The following PTPRG variants were observed in gnomAD, a reference collection of about 807,000 sequenced individuals.
The protein encoded by PTPRG is protein tyrosine phosphatase receptor type G.
In PTPRG, 102 loss-of-function variants were observed where a neutral mutation model predicts 165.3. The observed-to-expected ratio is 0.62, with a 90% CI of 0.53 to 0.73. The LOEUF (loss-of-function observed/expected upper bound fraction) is 0.73, where lower values mean the gene tolerates loss of function less well. Among genes scored for constraint, PTPRG ranks in the 30% least tolerant of loss-of-function variants. The pLI is 0.00. For synonymous variants in PTPRG, 675 were observed against 669.5 expected, an observed-to-expected ratio of 1.01 and a Z score of -0.13; for missense variants, 1,866 against 1,861.4, an observed-to-expected ratio of 1.00 and a Z score of -0.05.
intron 2 of PTPRG, among the ~76,000 whole-genome samples, chr3:61,876,926 G>C (rs944756201): frequency 6.6e-6 from 1 of 151,920 alleles, no homozygotes; most frequent in Non-Finnish European, 1.5e-5. Context: ...TAAGTAGTCT[G>C]TAACAGAGTG....
intron 8 of PTPRG, among the ~76,000 whole-genome samples, chr3:62,181,646 A>G (rs576165526): frequency 1.6e-4 from 24 of 152,346 alleles, no homozygotes; most frequent in African/African-American, 5.8e-4. Flanking sequence ...TTTTGGTGCC[A>G]TGGACTCCTT....
At chr3:61,784,539 G>A (rs2034638983) in intron 2 of PTPRG, among the ~76,000 whole-genome samples, 1 of 152,190 alleles carries the variant, frequency 6.6e-6, no homozygotes. Flanking sequence ...GTTAGCAGCT[G>A]ACATCTGTGT....
At chr3:61,682,973 T>A (rs2107124870) in intron 1 of PTPRG, among the ~76,000 whole-genome samples, 1 of 152,214 alleles carries the variant, frequency 6.6e-6, no homozygotes. Flanking sequence ...GTGGAAAGCT[T>A]TTCTTTCTCT....
At chr3:61,866,090 G>C (rs1575734563) in intron 2 of PTPRG, among the ~76,000 whole-genome samples, 1 of 152,088 alleles carries the variant, frequency 6.6e-6, no homozygotes, top group Non-Finnish European at 1.5e-5. Context: ...ATTGAACCAG[G>C]GAACTCCTCT....
chr3:62,064,819 A>T (rs1700954868), intron 4 of PTPRG, among the ~76,000 whole-genome samples: 1 of 137,822 alleles, frequency 7.3e-6, no homozygotes, highest in South Asian at 2.2e-4. Flanking sequence ...CGCAACATCC[A>T]GCTCCCTGGT....
intron 2 of PTPRG, chr3:61,926,008 G>C (rs1053359215): frequency 1.5e-4 from 70 of 456,732 alleles, no homozygotes; most frequent in Non-Finnish European, 2.6e-4. Context: ...TAGAATGGCA[G>C]AACCTCAGAC....
intron 2 of PTPRG, among the ~76,000 whole-genome samples, chr3:61,918,475 G>T (rs529599125): frequency 1.3e-5 from 2 of 152,246 alleles, no homozygotes; most frequent in South Asian, 4.2e-4. Flanking sequence ...ACTGTTGGGT[G>T]TTTGAGATAC....
chr3:62,134,858 T>A (rs1053740928), intron 6 of PTPRG, among the ~76,000 whole-genome samples: 1 of 152,026 alleles, frequency 6.6e-6, no homozygotes, highest in African/African-American at 2.4e-5. Context: ...TGAAATGGGA[T>A]GAAGGGAAGG....
At chr3:61,737,953 G>C (rs1337117231) in intron 1 of PTPRG, among the ~76,000 whole-genome samples, 1 of 148,594 alleles carries the variant, frequency 6.7e-6, no homozygotes, top group Non-Finnish European at 1.5e-5. Context: ...CTGTCGCCCA[G>C]GCTGGAGTGC....
At chr3:61,884,015 A>G (rs1278555925) in intron 2 of PTPRG, among the ~76,000 whole-genome samples, 1 of 152,166 alleles carries the variant, frequency 6.6e-6, no homozygotes, top group Non-Finnish European at 1.5e-5. Context: ...TCTTAGTTGT[A>G]TGCTTGTTTT....
chr3:61,685,180 C>T (rs1200639691), intron 1 of PTPRG, among the ~76,000 whole-genome samples: 1 of 152,156 alleles, frequency 6.6e-6, no homozygotes, highest in East Asian at 1.9e-4. Context: ...CTTGCACTTA[C>T]TATGTTGAGA....
intron 2 of PTPRG, among the ~76,000 whole-genome samples, chr3:61,922,937 C>G (rs951274660): frequency 1.3e-5 from 2 of 152,188 alleles, no homozygotes; most frequent in Admixed American, 6.5e-5. Flanking sequence ...CACCATACCC[C>G]ACCCAAATTA....
rs182855415 is a variant in PTPRG at position 61,832,056 on chromosome 3, C to T, written c.190+83074C>T. 4.0e-3 allele frequency among the ~76,000 whole-genome samples: 606 copies of T among 151,978 alleles called. 5 individuals are homozygous for T. The highest frequency in any genetic ancestry group is 0.014 in the African/African-American group (578 of 41,464). On this transcript the variant is annotated intron_variant, in intron 2 of 29. Coordinates refer to ENST00000474889, the MANE Select transcript of PTPRG (RefSeq NM_002841.4). ...TTATACATTTGTATCTTATAAATAT[C>T]CCAGAAAGAGTCAATCAAAAAATTA...
intron 1 of PTPRG, among the ~76,000 whole-genome samples, chr3:61,726,170 C>T (rs548051481): frequency 6.6e-6 from 1 of 152,270 alleles, no homozygotes; most frequent in East Asian, 1.9e-4. Context: ...CTGCACAGAG[C>T]GGCAGTTCTT....
At chr3:61,592,072 C>T (rs374244911) in intron 1 of PTPRG, among the ~76,000 whole-genome samples, 2 of 151,608 alleles carry the variant, frequency 1.3e-5, no homozygotes, top group Admixed American at 6.6e-5. Context: ...CTCCTGGGTT[C>T]GAGCAATTCT....
intron 24 of PTPRG, chr3:62,276,663 G>C (rs1213912822): frequency 1.3e-5 from 4 of 300,518 alleles, no homozygotes; most frequent in Non-Finnish European, 2.4e-5. Flanking sequence ...TAACAAACTA[G>C]AGTCAAAAGT....
At chr3:62,239,200 T>C (rs1018269572) in intron 14 of PTPRG, among the ~76,000 whole-genome samples, 2 of 152,138 alleles carry the variant, frequency 1.3e-5, no homozygotes, top group African/African-American at 4.8e-5. Flanking sequence ...AAAATGGCTC[T>C]TTGTGATCCT....
intron 1 of PTPRG, among the ~76,000 whole-genome samples, chr3:61,586,585 C>A (rs766056738): frequency 6.6e-6 from 1 of 152,144 alleles, no homozygotes; most frequent in Non-Finnish European, 1.5e-5. Context: ...TGAAAAGTTG[C>A]TACTTTTGAG....
intron 4 of PTPRG, among the ~76,000 whole-genome samples, chr3:62,071,448 C>A (rs1701207276): frequency 6.6e-6 from 1 of 152,184 alleles, no homozygotes; most frequent in Non-Finnish European, 1.5e-5. Flanking sequence ...AATGCCCCCT[C>A]CTGCCCATTG....
Sources: allele counts gnomAD v4.1 joint callset (sites outside exome capture counted in the v4.1 genomes callset), GRCh38; gene constraint gnomAD v4.1.1; transcripts MANE v1.5; gene names NCBI Gene and HGNC (gene_info 2026-07-23, HGNC 2026-07-21).